The following TPRG1 variants were observed in gnomAD, a reference collection of about 807,000 sequenced individuals.
TPRG1 encodes the protein tumor protein p63 regulated 1.
Under a neutral mutation model 29.3 loss-of-function variants are expected in TPRG1, and 29 were observed. That is an observed-to-expected ratio of 0.99 (90% confidence interval 0.74 to 1.35). TPRG1 has a LOEUF of 1.35. TPRG1 is among the 40% of genes most tolerant of loss of function. The pLI, the probability that TPRG1 is intolerant of heterozygous loss-of-function variation, is 0.00. For missense variants in TPRG1, 327 were observed against 335.0 expected (o/e 0.98, Z 0.19); for synonymous variants, 130 against 116.8 (o/e 1.11, Z -0.73).
chr3:189,205,484 T>C (rs1329811261), intron 1 of TPRG1, among the ~76,000 whole-genome samples: 1 of 152,244 alleles, frequency 6.6e-6, no homozygotes, highest in Non-Finnish European at 1.5e-5. Context: ...ATGATCATAC[T>C]ATTTTTACCT....
In TPRG1 at chr3:189,320,688, A is replaced by G. The variant is rs749877455; in HGVS notation, c.696A>G (p.Gly232=). 1 of 1,612,762 alleles carries G rather than the reference A, an allele frequency of 6.2e-7. No individual in the cohort carries two copies. The highest frequency in any genetic ancestry group is 8.5e-7 in the Non-Finnish European group (1 of 1,179,330). ...AGAATGCCCACAAGAATTCAACTGG[A>G]TCTGGAAGAGGAAAGAAACTGATGG... The part of the protein sequence containing the change: ...AIQNAHKNST[G]SGRGKKLMVL... The change falls in exon 6 of 6, where the codon GGA becomes GGG. Residue 232 remains glycine, a synonymous_variant. Transcript: ENST00000345063.
At chr3:189,171,675 G>A (rs1030718248), upstream of TPRG1, among the ~76,000 whole-genome samples, 2 of 152,194 alleles carry the variant, frequency 1.3e-5, no homozygotes, top group African/African-American at 4.8e-5. Flanking sequence ...ATTAATGATA[G>A]GAGTGTAGGC....
chr3:189,093,336 AATTGAGTAGCCTTCAAC>A (rs1464860659), intron 4 of TPRG1, among the ~76,000 whole-genome samples: 2 of 152,164 alleles, frequency 1.3e-5, no homozygotes, highest in Admixed American at 1.3e-4. Context: ...CAGGAAGATT[AATTGAGTAGCCTTCAAC>A]ATTCAGACAC....
chr3:189,235,241 G>T (rs1201296496), intron 3 of TPRG1, among the ~76,000 whole-genome samples: 1 of 119,326 alleles, frequency 8.4e-6, no homozygotes. Context: ...TTTTCCAAAG[G>T]ATCCCCTCAC....
intron 4 of TPRG1, among the ~76,000 whole-genome samples, chr3:189,086,333 C>T (rs1027870244): frequency 3.3e-5 from 5 of 151,638 alleles, no homozygotes; most frequent in Non-Finnish European, 7.4e-5. Flanking sequence ...GGGTCTTCTT[C>T]TCCCAGTCCA....
rs1463743996 is a variant in TPRG1 at position 189,020,146 on chromosome 3, C to T, written c.-659-3604C>T. Among the ~76,000 whole-genome samples the T allele has an allele frequency of 1.8e-4, 27 of 151,610 alleles. No individual in the cohort carries two copies. In the East Asian group the frequency reaches 2.1e-3, roughly 12 times the overall value. On this transcript the variant is annotated intron_variant, in intron 3 of 10. Coordinates refer to the TPRG1 transcript ENST00000433971. The stretch of plus-strand genomic sequence containing the variant: ...TTTTTTTCTTTATTAGTCTTGCTAG[C>T]GGTCTATCTATTTTGTTGATCCTTT...
intron 2 of TPRG1, among the ~76,000 whole-genome samples, chr3:189,130,588 A>G (rs1292920579): frequency 6.6e-6 from 1 of 152,224 alleles, no homozygotes; most frequent in African/African-American, 2.4e-5. Context: ...GTCCCTTGAC[A>G]TGGACTGTAA....
At chr3:189,242,117 AAAG>A (rs1740709078) in intron 4 of TPRG1, among the ~76,000 whole-genome samples, 1 of 152,270 alleles carries the variant, frequency 6.6e-6, no homozygotes, top group South Asian at 2.1e-4. Flanking sequence ...TGCCTTGAGT[AAAG>A]AAGAAGGTAT....
In TPRG1 at chr3:189,010,798, A is replaced by G. The variant is rs546452139; in HGVS notation, c.-660+6038A>G. On this transcript the variant is annotated intron_variant, in intron 3 of 10. Transcript: ENST00000433971. ...TTAGTTAATTAGATCCCATTTGTCTATTTTTGCTTTTGGCATCTTCCTCAT... is the reference window on the plus strand; with the variant it reads ...TTAGTTAATTAGATCCCATTTGTCTGTTTTTGCTTTTGGCATCTTCCTCAT... 9.2e-5 allele frequency among the ~76,000 whole-genome samples: 14 copies of G among 151,916 alleles called. No individual in the cohort carries two copies. The East Asian group carries it at 2.7e-3, about 30-fold the overall frequency.
chr3:189,088,408 C>G (rs987848416), intron 4 of TPRG1, among the ~76,000 whole-genome samples: 1 of 152,136 alleles, frequency 6.6e-6, no homozygotes, highest in Non-Finnish European at 1.5e-5. Context: ...GGGGCTGAGA[C>G]GATGGGGTTT....
chr3:189,263,502 A>C (rs947392285), intron 4 of TPRG1, among the ~76,000 whole-genome samples: 3 of 152,186 alleles, frequency 2.0e-5, no homozygotes, highest in Non-Finnish European at 4.4e-5. Context: ...AGCTAGAATA[A>C]TTCTGCTTTT....
At chr3:189,275,346 A>G (rs1560636858) in intron 4 of TPRG1, among the ~76,000 whole-genome samples, 1 of 152,174 alleles carries the variant, frequency 6.6e-6, no homozygotes. Context: ...CTCTAGTAGC[A>G]AGGATAAGTC....
At chr3:189,074,825 TTC>T in intron 4 of TPRG1, among the ~76,000 whole-genome samples, 1 of 152,142 alleles carries the variant, frequency 6.6e-6, no homozygotes, top group East Asian at 1.9e-4. Context: ...CTTTTTTTTT[TTC>T]TTGAGACGGA....
At chr3:189,034,280 T>C (rs945637862) in intron 4 of TPRG1, among the ~76,000 whole-genome samples, 2 of 152,182 alleles carry the variant, frequency 1.3e-5, no homozygotes, top group African/African-American at 4.8e-5. Context: ...AAGCAGATCC[T>C]TTCAGATTGG....
At chr3:189,037,440 G>A (rs1714342473) in intron 4 of TPRG1, among the ~76,000 whole-genome samples, 1 of 151,818 alleles carries the variant, frequency 6.6e-6, no homozygotes, top group Non-Finnish European at 1.5e-5. Context: ...TGTAATTTCT[G>A]TTTATAATAC....
At chr3:189,293,827 C>T (rs1294881243) in intron 4 of TPRG1, among the ~76,000 whole-genome samples, 1 of 152,220 alleles carries the variant, frequency 6.6e-6, no homozygotes, top group Non-Finnish European at 1.5e-5. Flanking sequence ...TCTCCAAAAT[C>T]CATCTTGTCT....
chr3:189,239,788 C>T (rs777385621), intron 4 of TPRG1, among the ~76,000 whole-genome samples: 6 of 152,112 alleles, frequency 3.9e-5, no homozygotes, highest in African/African-American at 9.7e-5. Flanking sequence ...AGTTCAGTGA[C>T]GTAGGGGTGG....
In TPRG1 at chr3:189,320,649, T is replaced by C; in HGVS notation, c.657T>C (p.Leu219=). Residue 219 remains leucine (L), a synonymous_variant, in exon 6 of 6, where the codon CTT becomes CTC. Transcript: ENST00000345063. The stretch of plus-strand genomic sequence containing the variant: ...AGTTGTCTGGGTTCATGTCTAAGCT[T>C]GTTCCAGCTATCCAGAATGCCCACA... ...ICKLSGFMSK[L]VPAIQNAHKN... 6.2e-7 allele frequency: 1 copy of C among 1,610,980 alleles called. No homozygotes were observed. The highest frequency in any genetic ancestry group is 1.3e-5 in the African/African-American group (1 of 74,784).
intron 4 of TPRG1, among the ~76,000 whole-genome samples, chr3:189,241,757 G>A (rs544795210): frequency 2.7e-4 from 41 of 152,224 alleles, no homozygotes; most frequent in African/African-American, 8.9e-4. Context: ...AGTCTCATGA[G>A]ATTTGATGAG....
Sources: gnomAD v4.1 joint callset for allele counts (sites outside exome capture counted in the v4.1 genomes callset) on GRCh38, gnomAD v4.1.1 for gene constraint, MANE v1.5 for transcripts, NCBI Gene and HGNC (gene_info 2026-07-23, HGNC 2026-07-21) for gene names.